Variants in CPNE4 observed in about 807,000 individuals in gnomAD.
CPNE4 encodes the protein copine-4.
CPNE4 carries 25 observed loss-of-function variants against 67.9 expected under a neutral mutation model. That is an observed-to-expected ratio of 0.37 (90% confidence interval 0.27 to 0.51). The LOEUF (loss-of-function observed/expected upper bound fraction) is 0.51. Ranked by LOEUF, CPNE4 falls within the 20% of genes least tolerant of loss-of-function variation. The pLI is 0.93. For synonymous variants in CPNE4, 242 were observed against 244.9 expected (o/e 0.99, Z 0.11); for missense variants, 464 against 690.8 (o/e 0.67, Z 3.68).
intron 7 of CPNE4, among the ~76,000 whole-genome samples, chr3:131,663,022 C>T (rs183900628): frequency 1.9e-4 from 29 of 152,234 alleles, no homozygotes; most frequent in Admixed American, 7.2e-4. Flanking sequence ...GTATGTTTAT[C>T]ACAGTACTAT....
intron 2 of CPNE4, among the ~76,000 whole-genome samples, chr3:131,866,539 G>C (rs1177791695): frequency 1.3e-5 from 2 of 152,194 alleles, no homozygotes; most frequent in African/African-American, 4.8e-5. Flanking sequence ...ACTGGTAAGA[G>C]CACCATTGCA....
chr3:131,544,663 A>G (rs1338907438), intron 14 of CPNE4, among the ~76,000 whole-genome samples: 1 of 152,198 alleles, frequency 6.6e-6, no homozygotes, highest in Non-Finnish European at 1.5e-5. Flanking sequence ...GGAGGTGCAG[A>G]GAGAAGCGGC....
intron 7 of CPNE4, among the ~76,000 whole-genome samples, chr3:131,596,186 G>T (rs1582865088): frequency 6.6e-6 from 1 of 150,600 alleles, no homozygotes; most frequent in East Asian, 1.9e-4. Flanking sequence ...ATTGATGCAA[G>T]GAAACTTTTG....
At chr3:131,979,261 T>A (rs1271169947) in intron 1 of CPNE4, among the ~76,000 whole-genome samples, 1 of 152,168 alleles carries the variant, frequency 6.6e-6, no homozygotes, top group Non-Finnish European at 1.5e-5. Flanking sequence ...CTTGATGACA[T>A]GTCTAATGCT....
intron 1 of CPNE4, among the ~76,000 whole-genome samples, chr3:132,014,331 T>G (rs2073843236): frequency 6.6e-6 from 1 of 151,622 alleles, no homozygotes; most frequent in Admixed American, 6.6e-5. Flanking sequence ...CGAATGCTCC[T>G]CCCACCCCCA....
intron 8 of CPNE4, among the ~76,000 whole-genome samples, chr3:131,583,003 A>T (rs562286607): frequency 6.6e-6 from 1 of 152,308 alleles, no homozygotes; most frequent in Non-Finnish European, 1.5e-5. Flanking sequence ...CTGATACTGT[A>T]GTTTCTCATC....
At chr3:132,026,403 G>C (rs574091070) in intron 1 of CPNE4, among the ~76,000 whole-genome samples, 135 of 152,286 alleles carry the variant, frequency 8.9e-4, no homozygotes, top group African/African-American at 3.0e-3. Flanking sequence ...GAGAGGGTAT[G>C]GTAAAGAGAA....
chr3:131,559,562 T>C (rs1936648651), intron 11 of CPNE4, among the ~76,000 whole-genome samples: 1 of 151,996 alleles, frequency 6.6e-6, no homozygotes, highest in African/African-American at 2.4e-5. Context: ...AAAGCTCAGA[T>C]TTTAAAAAAT....
At chr3:131,832,741 C>T (rs61202912) in intron 2 of CPNE4, among the ~76,000 whole-genome samples, 32,939 of 152,012 alleles carry the variant, frequency 0.22, 3,859 homozygotes, top group Admixed American at 0.33. Context: ...CAGTCTCACC[C>T]ATATATGATT....
At chr3:131,844,276 T>TC (rs915480098) in intron 2 of CPNE4, among the ~76,000 whole-genome samples, 1 of 149,652 alleles carries the variant, frequency 6.7e-6, no homozygotes, top group African/African-American at 2.5e-5. Flanking sequence ...TTTTTTTTTT[T>TC]CCGAGATGGA....
At chr3:131,809,460 C>T (rs2084442373) in intron 2 of CPNE4, among the ~76,000 whole-genome samples, 1 of 152,134 alleles carries the variant, frequency 6.6e-6, no homozygotes, top group Admixed American at 6.6e-5. Context: ...CTTCAAGCCA[C>T]TGAATTTGCA....
At chr3:131,638,085 A>G (rs2079440166) in intron 7 of CPNE4, among the ~76,000 whole-genome samples, 1 of 152,184 alleles carries the variant, frequency 6.6e-6, no homozygotes, top group African/African-American at 2.4e-5. Flanking sequence ...GAAGCTCCTT[A>G]AAGCATATTT....
chr3:131,819,491 T>C (rs867099746), intron 2 of CPNE4, among the ~76,000 whole-genome samples: 6 of 146,168 alleles, frequency 4.1e-5, no homozygotes, highest in Non-Finnish European at 7.5e-5. Flanking sequence ...CACACACAGA[T>C]ACACACACAC....
chr3:131,813,432 A>G (rs989510919), intron 2 of CPNE4, among the ~76,000 whole-genome samples: 20 of 149,566 alleles, frequency 1.3e-4, no homozygotes, highest in Middle Eastern at 3.6e-3. Context: ...GTGTATACAT[A>G]CAATATAGAA....
At chr3:131,843,674 G>A (rs2085883179) in intron 2 of CPNE4, among the ~76,000 whole-genome samples, 1 of 152,160 alleles carries the variant, frequency 6.6e-6, no homozygotes, top group African/African-American at 2.4e-5. Flanking sequence ...AAATCTCCCT[G>A]AGCGTCAGTT....
rs746630965 is a variant in CPNE4, at chr3:131,615,891, T to TCACACACACACA, written c.682-28321_682-28310dup. On this transcript the variant is annotated intron_variant, in intron 7 of 15. Coordinates refer to ENST00000429747, the MANE Select transcript of CPNE4 (RefSeq NM_130808.3). ...AAGAGCAAAACCCCATCTCTCTCTC[T>TCACACACACACA]CACACACACACACACACACACACAC... 3.3e-3 allele frequency among the ~76,000 whole-genome samples: 354 copies of TCACACACACACA among 107,788 alleles called. 3 individuals are homozygous for TCACACACACACA. Among genetic ancestry groups the TCACACACACACA allele is most frequent in the African/African-American group, 0.015 (331 of 21,816 alleles). The allele number at this position is 107,788 out of a possible 152,430, so 70.7% of individuals were successfully genotyped here.
intron 1 of CPNE4, among the ~76,000 whole-genome samples, chr3:131,957,644 A>C (rs1225169645): frequency 6.6e-6 from 1 of 152,176 alleles, no homozygotes; most frequent in Non-Finnish European, 1.5e-5. Flanking sequence ...CAGTTCCCTC[A>C]CTTAGCCATT....
At chr3:131,646,297 T>C (rs745344970) in intron 7 of CPNE4, among the ~76,000 whole-genome samples, 1 of 152,176 alleles carries the variant, frequency 6.6e-6, no homozygotes, top group Non-Finnish European at 1.5e-5. Context: ...TAATTTCCTG[T>C]TTTCATAACT....
intron 14 of CPNE4, 35 bp from the exon 15 acceptor site, chr3:131,542,828 T>A (rs78579543): frequency 7.5e-7 from 1 of 1,329,370 alleles, no homozygotes; most frequent in Non-Finnish European, 1.1e-6. Flanking sequence ...TGGGGGGGGG[T>A]GAAGAGGTGA....
Sources: allele counts gnomAD v4.1 joint callset (sites outside exome capture counted in the v4.1 genomes callset), GRCh38; gene constraint gnomAD v4.1.1; transcripts MANE v1.5; gene names NCBI Gene and HGNC (gene_info 2026-07-23, HGNC 2026-07-21).